NSUN6: variants seen among roughly 807,000 people sequenced by gnomAD.
The protein encoded by NSUN6 is tRNA (cytosine(72)-C(5))-methyltransferase NSUN6.
NSUN6 carries 64 observed loss-of-function variants against 58.0 expected under a neutral mutation model. The ratio of observed to expected loss-of-function variants is 1.10; its 90% CI spans 0.90 to 1.36. The LOEUF (loss-of-function observed/expected upper bound fraction) is 1.36. Among genes scored for constraint, NSUN6 ranks in the 40% most tolerant of loss-of-function variants. The pLI, the probability that NSUN6 is intolerant of heterozygous loss-of-function variation, is 0.00. For synonymous variants in NSUN6, 231 were observed against 193.9 expected (o/e 1.19, Z -1.59); for missense variants, 701 against 550.1 (o/e 1.27, Z -2.74).
Position 18,651,465 on chromosome 10 carries a change from AT to A in NSUN6, c.-263del. 2 of 1,173,668 alleles carry A rather than the reference AT, an allele frequency of 1.7e-6. No individual in the cohort carries two copies. Among genetic ancestry groups the A allele is most frequent in the Non-Finnish European group, 2.1e-6 (2 of 950,740 alleles). 72.7% of individuals were successfully genotyped at this position (1,173,668 alleles called of 1,614,324 possible). ...GATGCTCATGGAAATCACTGAGCCA[AT>A]GCCACTCACGTTGCAAAGAACCAAA... On this transcript the variant is annotated 5_prime_UTR_variant, in exon 1 of 11. Transcript: ENST00000377304.
At chr10:18,652,580 T>G, upstream of NSUN6, 1 of 983,370 alleles carries the variant, frequency 1.0e-6, no homozygotes, top group South Asian at 4.7e-5. Context: ...TTTTTTTTTT[T>G]TTTTTTTTGA....
chr10:18,629,144 C>A (rs1374019732), intron 3 of NSUN6, among the ~76,000 whole-genome samples: 1 of 152,076 alleles, frequency 6.6e-6, no homozygotes, highest in South Asian at 2.1e-4. Flanking sequence ...ATTTCATATC[C>A]ACCCAAACTA....
At chr10:18,601,521 T>TCTCTAGTGAGGAGAACCA (rs71402186) in intron 6 of NSUN6, among the ~76,000 whole-genome samples, 1 of 151,714 alleles carries the variant, frequency 6.6e-6, no homozygotes, top group Non-Finnish European at 1.5e-5. Flanking sequence ...GTAATTTTCC[T>TCTCTAGTGAGGAGAACCA]AGTGGCTGGA....
intron 8 of NSUN6, among the ~76,000 whole-genome samples, chr10:18,570,003 T>G (rs1441683752): frequency 6.7e-6 from 1 of 148,588 alleles, no homozygotes; most frequent in Non-Finnish European, 1.5e-5. Context: ...CATTCCATTC[T>G]CCATTGCATT....
intron 8 of NSUN6, among the ~76,000 whole-genome samples, chr10:18,562,450 G>A (rs2055590087): frequency 6.7e-6 from 1 of 150,252 alleles, no homozygotes. Context: ...GGAATGGAAT[G>A]CGGAATGGAA....
chr10:18,572,855 G>T (rs1427993746), intron 8 of NSUN6, among the ~76,000 whole-genome samples: 1 of 120,960 alleles, frequency 8.3e-6, no homozygotes, highest in Non-Finnish European at 1.7e-5. Flanking sequence ...ATTCCTTTCT[G>T]CATTTCATTC....
chr10:18,557,680 G>A (rs1244119302), intron 8 of NSUN6, among the ~76,000 whole-genome samples: 2 of 147,088 alleles, frequency 1.4e-5, no homozygotes, highest in African/African-American at 5.0e-5. Flanking sequence ...TGGAAAGGAG[G>A]ATGGAATGGA....
At chr10:18,613,990 G>A (rs1279776489) in intron 5 of NSUN6, among the ~76,000 whole-genome samples, 3 of 152,080 alleles carry the variant, frequency 2.0e-5, no homozygotes, top group Non-Finnish European at 4.4e-5. Flanking sequence ...AATTTAGTTT[G>A]AACAAACCTA....
rs930681727 is a variant in NSUN6 at position 18,651,174 on chromosome 10, T to C, written c.30A>G (p.Arg10=). The stretch of plus-strand genomic sequence containing the variant: ...CCTTAAGATAGTTTTCAACCTCAGG[T>C]CTCAAAGATATCTTAGGGAAAATAG... MSIFPKISL[R]PEVENYLKEG... Residue 10 remains arginine, a synonymous_variant, in exon 1 of 11, where the codon AGA becomes AGG. Transcript: ENST00000377304. The C allele has an allele frequency of 8.2e-6, 13 of 1,580,238 alleles. No individual in the cohort carries two copies. The highest frequency in any genetic ancestry group is 1.1e-5 in the Non-Finnish European group (13 of 1,169,332).
At chr10:18,608,135 T>C (rs1479578619) in intron 6 of NSUN6, among the ~76,000 whole-genome samples, 1 of 152,236 alleles carries the variant, frequency 6.6e-6, no homozygotes, top group Non-Finnish European at 1.5e-5. Flanking sequence ...AGCTTCATTC[T>C]GGCAGGAAAT....
At chr10:18,555,451 G>A (rs1363310088) in intron 8 of NSUN6, among the ~76,000 whole-genome samples, 1 of 151,362 alleles carries the variant, frequency 6.6e-6, no homozygotes. Context: ...GAACAGAGTG[G>A]AATAGAGAAT....
chr10:18,554,065 G>A (rs988732056), intron 8 of NSUN6, among the ~76,000 whole-genome samples: 1 of 151,040 alleles, frequency 6.6e-6, no homozygotes, highest in Non-Finnish European at 1.5e-5. Context: ...ATGGAATGGA[G>A]AATAGAATGC....
intron 8 of NSUN6, among the ~76,000 whole-genome samples, chr10:18,564,848 CTCCATTCCTGTCCAT>C (rs1304775008): frequency 1.3e-5 from 2 of 150,798 alleles, no homozygotes; most frequent in Admixed American, 6.6e-5. Context: ...CTATTCCATT[CTCCATTCCTGTCCAT>C]TCCATTCCAG....
upstream of NSUN6, chr10:18,653,228 C>A: frequency 1.0e-6 from 1 of 984,710 alleles, no homozygotes; most frequent in Non-Finnish European, 1.2e-6. Flanking sequence ...AAGCCTAATC[C>A]ATAATGGGCA....
chr10:18,578,623 TTC>T (rs758430286), intron 8 of NSUN6, among the ~76,000 whole-genome samples: 3 of 152,176 alleles, frequency 2.0e-5, no homozygotes, highest in Non-Finnish European at 2.9e-5. Flanking sequence ...TTGGTTTATA[TTC>T]TCTCTCTCCG....
upstream of NSUN6, chr10:18,653,037 C>T (rs1191419415): frequency 1.0e-6 from 1 of 984,694 alleles, no homozygotes; most frequent in Admixed American, 6.1e-5. Flanking sequence ...GCTAAAACAT[C>T]TGAAAGTGAT....
intron 5 of NSUN6, among the ~76,000 whole-genome samples, chr10:18,613,605 T>C (rs1003258812): frequency 1.3e-5 from 2 of 152,188 alleles, no homozygotes; most frequent in Non-Finnish European, 2.9e-5. Context: ...AGCAGATATA[T>C]GCACATAATC....
intron 3 of NSUN6, among the ~76,000 whole-genome samples, chr10:18,627,536 G>A (rs1334327594): frequency 2.0e-5 from 3 of 152,302 alleles, no homozygotes; most frequent in East Asian, 1.9e-4. Context: ...GACAGTGGGC[G>A]CAGGTCAGTG....
chr10:18,578,827 T>G (rs1460670551), intron 8 of NSUN6, among the ~76,000 whole-genome samples: 2 of 152,132 alleles, frequency 1.3e-5, no homozygotes, highest in African/African-American at 4.8e-5. Context: ...TCTTGTACCA[T>G]GACGAAGAAA....
Sources: gnomAD v4.1 joint callset for allele counts (sites outside exome capture counted in the v4.1 genomes callset) on GRCh38, gnomAD v4.1.1 for gene constraint, MANE v1.5 for transcripts, NCBI Gene and HGNC (gene_info 2026-07-23, HGNC 2026-07-21) for gene names.